CHD7: variants seen among roughly 807,000 people sequenced by gnomAD.
CHD7 encodes ATP-dependent chromatin remodeler CHD7.
CHD7 carries 24 observed loss-of-function variants against 307.3 expected under a neutral mutation model. The ratio of observed to expected loss-of-function variants is 0.08; its 90% CI spans 0.06 to 0.11. CHD7 has a LOEUF of 0.11. Among genes scored for constraint, CHD7 ranks in the 10% least tolerant of loss-of-function variants. The probability of loss-of-function intolerance (pLI) is 1.00; values close to 1 mark genes in which losing one functional copy is unlikely to be tolerated. For synonymous variants in CHD7, 1,363 were observed against 1,349.9 expected, an observed-to-expected ratio of 1.01 and a Z score of -0.21; for missense variants, 3,106 against 3,727.1, an observed-to-expected ratio of 0.83 and a Z score of 4.34.
At chr8:60,798,704 T>C (rs1217589816) in intron 4 of CHD7, among the ~76,000 whole-genome samples, 1 of 152,218 alleles carries the variant, frequency 6.6e-6, no homozygotes, top group Non-Finnish European at 1.5e-5. Flanking sequence ...AGAAAAAATT[T>C]TGTGTCAAAA....
chr8:60,713,737 G>A (rs1310801291), intron 1 of CHD7, among the ~76,000 whole-genome samples: 2 of 152,106 alleles, frequency 1.3e-5, no homozygotes, highest in Non-Finnish European at 2.9e-5. Flanking sequence ...GGGTAAACCA[G>A]CACAGATTCC....
chr8:60,819,153 C>T lies in CHD7; in HGVS notation c.2614-854C>T, dbSNP rs2150743607. On this transcript the variant is annotated intron_variant, in intron 8 of 37. Transcript: ENST00000423902. ...TATTTTTAGTAGAGACGGGGTTTCA[C>T]CATGTTGGCCAGGCTGGTCTTGAAC... is the stretch of plus-strand genomic sequence containing the variant. Among the ~76,000 whole-genome samples, 3 of 152,262 alleles carry T rather than the reference C, an allele frequency of 2.0e-5. No homozygotes were observed. The East Asian group carries it at 5.8e-4, about 29-fold the overall frequency.
intron 34 of CHD7, among the ~76,000 whole-genome samples, chr8:60,857,558 T>C (rs185618582): frequency 6.6e-6 from 1 of 152,182 alleles, no homozygotes; most frequent in South Asian, 2.1e-4. Context: ...TGTGCTTTTT[T>C]AAAAAATGGT....
intron 31 of CHD7, 75 bp downstream of exon 31, chr8:60,853,575 G>C: frequency 8.6e-7 from 1 of 1,166,328 alleles, no homozygotes; most frequent in South Asian, 1.9e-5. Flanking sequence ...CTGGCAGCAC[G>C]GCACCTGCTC....
At position 60,836,396 on chromosome 8, in the gene CHD7, G is replaced by A. The variant is rs566350057; in HGVS notation, c.3989+113G>A. 9 of 781,704 alleles carry A rather than the reference G, an allele frequency of 1.2e-5. 1 individual carries two copies. The South Asian group carries it at 1.7e-4, about 15-fold the overall frequency. The allele number at this position is 781,704 out of a possible 1,614,324, so 48.4% of individuals were successfully genotyped here. A position where few individuals can be genotyped will look rare whatever the true frequency, so the allele number is the denominator to read the frequency against. On this transcript the variant is annotated intron_variant, in intron 16 of 37. Transcript: ENST00000423902. ...TGATAAAGGGGCTAGAATGGGGGAAGTGCATCACATGTCATTTTTAAAACT... is the reference window on the plus strand; with the variant it reads ...TGATAAAGGGGCTAGAATGGGGGAAATGCATCACATGTCATTTTTAAAACT...
chr8:60,702,410 A>C (rs1806809298), intron 1 of CHD7, among the ~76,000 whole-genome samples: 1 of 152,174 alleles, frequency 6.6e-6, no homozygotes, highest in African/African-American at 2.4e-5. Flanking sequence ...TATTGTATTC[A>C]TATCACATGT....
chr8:60,827,956 C>T (rs956778815), intron 13 of CHD7, among the ~76,000 whole-genome samples: 2 of 152,062 alleles, frequency 1.3e-5, no homozygotes, highest in South Asian at 2.1e-4. Context: ...ATTGTTAAGA[C>T]TGGCCATTGT....
At chr8:60,753,018 T>G (rs1473446) in intron 2 of CHD7, among the ~76,000 whole-genome samples, 81,671 of 152,098 alleles carry the variant, frequency 0.54, 26,436 homozygotes, top group East Asian at 0.78. Flanking sequence ...TGCTTTAAAT[T>G]GGCCCATTAC....
chr8:60,706,663 A>C (rs1807036002), intron 1 of CHD7, among the ~76,000 whole-genome samples: 1 of 152,260 alleles, frequency 6.6e-6, no homozygotes, highest in Non-Finnish European at 1.5e-5. Flanking sequence ...GGACAAAACT[A>C]TAGTAATTTA....
intron 1 of CHD7, among the ~76,000 whole-genome samples, chr8:60,680,117 CG>C (rs1424012650): frequency 1.3e-5 from 2 of 151,726 alleles, no homozygotes; most frequent in Non-Finnish European, 2.9e-5. Context: ...CCCAACCCGC[CG>C]GGGGTCAGCG....
intron 2 of CHD7, among the ~76,000 whole-genome samples, chr8:60,745,598 T>G (rs1379365883): frequency 6.6e-6 from 1 of 152,228 alleles, no homozygotes; most frequent in Non-Finnish European, 1.5e-5. Flanking sequence ...TCATTCTAAG[T>G]ACAATTATGT....
intron 1 of CHD7, among the ~76,000 whole-genome samples, 154 bp downstream of exon 1, chr8:60,679,236 G>A (rs1251504090): frequency 1.3e-5 from 2 of 148,808 alleles, no homozygotes; most frequent in African/African-American, 4.9e-5. Flanking sequence ...GGGCGGGAGG[G>A]GGCCGGGGCC....
intron 13 of CHD7, among the ~76,000 whole-genome samples, chr8:60,826,202 C>T (rs1331387875): frequency 6.6e-6 from 1 of 152,196 alleles, no homozygotes; most frequent in African/African-American, 2.4e-5. Flanking sequence ...GGGACACCAC[C>T]AGTCCTGGGT....
intron 1 of CHD7, among the ~76,000 whole-genome samples, chr8:60,704,141 T>G (rs1448331488): frequency 6.6e-6 from 1 of 152,166 alleles, no homozygotes; most frequent in East Asian, 1.9e-4. Context: ...TCAGTACTCA[T>G]GTCATATATT....
chr8:60,755,419 G>C (rs1358257911), intron 2 of CHD7, among the ~76,000 whole-genome samples: 1 of 151,960 alleles, frequency 6.6e-6, no homozygotes. Context: ...TTGGAGCCAG[G>C]TTTTCTCTGC....
chr8:60,755,256 G>GTTTTTCTTATTTT (rs1199818819), intron 2 of CHD7, among the ~76,000 whole-genome samples: 77 of 152,204 alleles, frequency 5.1e-4, no homozygotes, highest in Middle Eastern at 3.4e-3. Context: ...TAAGAAGGCA[G>GTTTTTCTTATTTT]TTCACATTTT....
chr8:60,851,380 G>A (rs774331577), intron 28 of CHD7, 61 bp downstream of exon 28: 53 of 1,272,674 alleles, frequency 4.2e-5, no homozygotes, highest in Middle Eastern at 1.8e-4. Flanking sequence ...CATTGTTCAC[G>A]TGGTAGGGAC....
intron 13 of CHD7, 99 bp downstream of exon 13, chr8:60,824,115 A>G: frequency 9.5e-7 from 1 of 1,051,812 alleles, no homozygotes. Context: ...ACAGTATTTG[A>G]AAAGCTTGTC....
chr8:60,732,363 TTGC>T, intron 1 of CHD7, among the ~76,000 whole-genome samples: 1 of 152,368 alleles, frequency 6.6e-6, no homozygotes, highest in South Asian at 2.1e-4. Context: ...AGCTAGCTGT[TTGC>T]TGCTTTCTCA....
Sources: allele counts gnomAD v4.1 joint callset (sites outside exome capture counted in the v4.1 genomes callset), GRCh38; gene constraint gnomAD v4.1.1; transcripts MANE v1.5; gene names NCBI Gene and HGNC (gene_info 2026-07-23, HGNC 2026-07-21).